The following ZNF274 variants were observed in gnomAD, a reference collection of about 807,000 sequenced individuals.
The protein encoded by ZNF274 is neurotrophin receptor-interacting factor homolog.
Under a neutral mutation model 42.5 loss-of-function variants are expected in ZNF274, and 23 were observed. That is an observed-to-expected ratio of 0.54 (90% CI 0.39 to 0.77). The LOEUF is 0.77. ZNF274 is among the 30% of genes least tolerant of loss of function. The pLI, the probability that ZNF274 is intolerant of heterozygous loss-of-function variation, is 0.00. For missense variants in ZNF274, 679 were observed against 806.5 expected (o/e 0.84, Z 1.91); for synonymous variants, 292 against 305.4 (o/e 0.96, Z 0.46).
At chr19:58,183,823 A>T in intron 1 of ZNF274, 98 bp from the exon 2 acceptor site, 1 of 784,452 alleles carries the variant, frequency 1.3e-6, no homozygotes. Context: ...TGGACTTGTC[A>T]TTTCCCGCTG....
intron 4 of ZNF274, among the ~76,000 whole-genome samples, chr19:58,205,330 C>T (rs183666742): frequency 2.4e-4 from 37 of 152,208 alleles, no homozygotes; most frequent in African/African-American, 8.7e-4. Flanking sequence ...GTTATTTATA[C>T]TTTTATATTT....
chr19:58,185,858 C>A lies in ZNF274; in HGVS notation c.160+20C>A. ...CAGTGGGTAAGGCTGGCCTCCAGGT[C>A]AAGAAGGATCTGTGCTTTGTAGCAC... On this transcript the variant is annotated intron_variant, in intron 3 of 7. Coordinates refer to ENST00000617501, the MANE Select transcript of ZNF274 (RefSeq NM_133502.3). 2 of 1,354,642 alleles carry A rather than the reference C, an allele frequency of 1.5e-6. No homozygotes were observed. Among genetic ancestry groups the A allele is most frequent in the South Asian group, 4.6e-5 (2 of 43,718 alleles). The allele number at this position is 1,354,642 out of a possible 1,614,324, so 83.9% of individuals were successfully genotyped here.
At chr19:58,188,682 A>ATATATATG (rs1555816875) in intron 4 of ZNF274, among the ~76,000 whole-genome samples, 1 of 75,650 alleles carries the variant, frequency 1.3e-5, no homozygotes, top group South Asian at 5.1e-4. Context: ...GTGTGTATAT[A>ATATATATG]TATATGTATA....
chr19:58,210,168 C>A, intron 6 of ZNF274, 95 bp downstream of exon 6: 1 of 923,150 alleles, frequency 1.1e-6, no homozygotes, highest in Non-Finnish European at 1.7e-6. Flanking sequence ...TTTCCTAAGA[C>A]CTCCCACAGG....
At chr19:58,184,174 G>C (rs1230547871) in intron 2 of ZNF274, 176 bp downstream of exon 2, 4 of 667,590 alleles carry the variant, frequency 6.0e-6, no homozygotes, top group African/African-American at 3.6e-5. Context: ...AGGTTGCTTG[G>C]TTTTCCAAGG....
chr19:58,198,410 ATTTC>A (rs980002790), intron 4 of ZNF274, among the ~76,000 whole-genome samples: 17 of 152,352 alleles, frequency 1.1e-4, no homozygotes, highest in African/African-American at 3.8e-4. Flanking sequence ...TACATAAACT[ATTTC>A]TTAAAATTTA....
chr19:58,196,325 C>A (rs2075841822), intron 4 of ZNF274, among the ~76,000 whole-genome samples: 1 of 152,124 alleles, frequency 6.6e-6, no homozygotes, highest in South Asian at 2.1e-4. Flanking sequence ...CTTTGAGAGG[C>A]CAAGGTGGGC....
chr19:58,209,854 G>C, intron 5 of ZNF274, 107 bp from the exon 6 acceptor site: 1 of 668,286 alleles, frequency 1.5e-6, no homozygotes, highest in South Asian at 1.8e-5. Flanking sequence ...TGGAGCCACA[G>C]TACGATGCAG....
chr19:58,205,104 C>T (rs886103900), intron 4 of ZNF274, among the ~76,000 whole-genome samples: 2 of 152,142 alleles, frequency 1.3e-5, no homozygotes, highest in African/African-American at 4.8e-5. Context: ...TCCTTTGGTG[C>T]CTCTATACCT....
chr19:58,201,679 G>C (rs903111990), intron 4 of ZNF274, among the ~76,000 whole-genome samples: 7 of 151,890 alleles, frequency 4.6e-5, no homozygotes, highest in African/African-American at 1.7e-4. Flanking sequence ...ACCTCGCCTA[G>C]CTAACTTTTG....
chr19:58,212,319 G>T lies in ZNF274; in HGVS notation c.1138G>T (p.Asp380Tyr). The change falls in exon 8 of 8, where the codon GAC becomes TAC. Residue 380 changes from aspartate (D) to tyrosine (Y), a missense_variant. Coordinates refer to ENST00000617501, the MANE Select transcript of ZNF274 (RefSeq NM_133502.3). This position sits in a 1 kb window ranked among gnomAD's most constrained non-coding sequence, Gnocchi z 4.6. ...TLQGGVQEVQ[D>Y]TVLKQMESAQ... ...GCAGGGTGGGGTCCAGGAAGTCCAA[G>T]ACACAGTGTTGAAGCAGATGGAGTC... The T allele has an allele frequency of 6.2e-7, 1 of 1,613,988 alleles. No individual in the cohort carries two copies.
rs774781320 is a variant in ZNF274 at position 58,211,695 on chromosome 19, G to A, written c.979+9G>A. On this transcript the variant is annotated intron_variant, in intron 7 of 7. Transcript: ENST00000617501. This position sits in a 1 kb window ranked among gnomAD's most constrained non-coding sequence, Gnocchi z 4.8. The stretch of plus-strand genomic sequence containing the variant: ...GCACCTGGTCTCTGTGGGTAAGGCT[G>A]TGCCCCCTCTTCACCCACCTCAGGG... 1.8e-5 allele frequency: 29 copies of A among 1,606,920 alleles called. No individual in the cohort carries two copies. Among genetic ancestry groups the A allele is most frequent in the East Asian group, 2.2e-5 (1 of 44,712 alleles).
In ZNF274 at chr19:58,198,916, C is replaced by T. The variant is rs1442454616; in HGVS notation, c.257-7804C>T. Among the ~76,000 whole-genome samples the T allele has an allele frequency of 3.3e-5, 5 of 150,538 alleles. 1 individual carries two copies. Among genetic ancestry groups the T allele is most frequent in the Non-Finnish European group, 7.4e-5 (5 of 67,872 alleles). On this transcript the variant is annotated intron_variant, in intron 4 of 7. Transcript: ENST00000617501. The stretch of plus-strand genomic sequence containing the variant: ...TTAAAGACAGGGATGGGTGCAGTGG[C>T]TCACCCATCTCAGCACCTTGGGAGG...
intron 4 of ZNF274, among the ~76,000 whole-genome samples, chr19:58,203,435 T>C (rs1477843536): frequency 1.3e-5 from 2 of 151,834 alleles, no homozygotes; most frequent in African/African-American, 4.8e-5. Context: ...AATACAAAAA[T>C]TAGCTGGGCC....
intron 4 of ZNF274, 99 bp from the exon 5 acceptor site, chr19:58,206,621 C>A: frequency 7.3e-7 from 1 of 1,372,400 alleles, no homozygotes; most frequent in Non-Finnish European, 9.8e-7. Flanking sequence ...GAAGCATATT[C>A]CACTGTGGTT....
intron 4 of ZNF274, among the ~76,000 whole-genome samples, chr19:58,195,175 C>T (rs1039247217): frequency 1.3e-4 from 19 of 148,334 alleles, no homozygotes; most frequent in African/African-American, 4.0e-4. Flanking sequence ...TCCAGCCTGG[C>T]GACAGAGTGA....
intron 5 of ZNF274, chr19:58,209,400 G>T (rs1280166838): frequency 2.6e-5 from 4 of 152,540 alleles, no homozygotes; most frequent in African/African-American, 9.6e-5. Flanking sequence ...TGTGAGGAAG[G>T]TTAGAATGAA....
At chr19:58,203,170 C>A (rs367596014) in intron 4 of ZNF274, among the ~76,000 whole-genome samples, 3 of 152,158 alleles carry the variant, frequency 2.0e-5, no homozygotes, top group African/African-American at 7.2e-5. Context: ...ACTTAGCCCC[C>A]CCCCAGGAAG....
At chr19:58,186,559 C>T (rs2075701386) in intron 3 of ZNF274, among the ~76,000 whole-genome samples, 1 of 150,340 alleles carries the variant, frequency 6.7e-6, no homozygotes, top group South Asian at 2.1e-4. Context: ...AAAAGCCTGT[C>T]CCTTCAAACT....
Sources: gnomAD v4.1 joint callset for allele counts (sites outside exome capture counted in the v4.1 genomes callset) on GRCh38, gnomAD v4.1.1 for gene constraint, Gnocchi (gnomAD v3.1) non-coding constraint, MANE v1.5 for transcripts, NCBI Gene and HGNC (gene_info 2026-07-23, HGNC 2026-07-21) for gene names.